ADGRG7: variants seen among roughly 807,000 people sequenced by gnomAD.
The protein encoded by ADGRG7 is adhesion G protein-coupled receptor G7.
A neutral mutation model predicts 88.6 loss-of-function variants in ADGRG7; 82 were observed. That is an observed-to-expected ratio of 0.93 (90% CI 0.77 to 1.11). The LOEUF is 1.11. Ranked by LOEUF, ADGRG7 falls within the 50% of genes most tolerant of loss-of-function variation. The pLI is 0.00. For missense variants in ADGRG7, 945 were observed against 953.4 expected (o/e 0.99, Z 0.12); for synonymous variants, 381 against 345.2 (o/e 1.10, Z -1.15).
chr3:100,635,008 C>CAG, intron 4 of ADGRG7, among the ~76,000 whole-genome samples: 1 of 151,596 alleles, frequency 6.6e-6, no homozygotes. Flanking sequence ...AAGACACACA[C>CAG]ACACACACAC....
rs377514773 is a variant in ADGRG7 at position 100,664,027 on chromosome 3, T to C, written c.1979+4184T>C. Among the ~76,000 whole-genome samples the C allele has an allele frequency of 2.0e-5, 3 of 152,062 alleles. No homozygotes were observed. In the South Asian group the frequency reaches 6.2e-4, roughly 31 times the overall value. On this transcript the variant is annotated intron_variant, in intron 14 of 15. Transcript: ENST00000273352. ...CCTATGGCACAAAACTAATCACAAG[T>C]ATACCCAAAATTATAACTCTCGACT...
At position 100,633,299 on chromosome 3, in the gene ADGRG7, C is replaced by G; in HGVS notation, c.369C>G (p.Leu123=). 5.2e-6 allele frequency: 8 copies of G among 1,548,764 alleles called. No homozygotes were observed. Among genetic ancestry groups the G allele is most frequent in the Non-Finnish European group, 7.0e-6 (8 of 1,146,242 alleles). Residue 123 remains leucine, a synonymous_variant, in exon 4 of 16, where the codon CTC becomes CTG. Coordinates refer to ENST00000273352, the MANE Select transcript of ADGRG7 (RefSeq NM_032787.3). ...GNPMAVRLCS[L]SLYGEIELQK... ...CAATGGCAGTCCGGTTGTGCAGTCTCTCTCTATATGGAGAGATAGAATTAC... is the reference window on the plus strand; with the variant it reads ...CAATGGCAGTCCGGTTGTGCAGTCTGTCTCTATATGGAGAGATAGAATTAC...
Position 100,686,147 on chromosome 3 carries a change from G to A in ADGRG7, c.2137-8597G>A, listed in dbSNP as rs1222342537. Among the ~76,000 whole-genome samples the A allele has an allele frequency of 8.6e-5, 13 of 151,800 alleles. 1 individual carries two copies. Among genetic ancestry groups the A allele is most frequent in the African/African-American group, 3.1e-4 (13 of 41,342 alleles). ...CCAGTGATGATGAGCATTTTTTCATGTGTTTTTTGGCTGCATAAATGTCTT... is the reference window on the plus strand; with the variant it reads ...CCAGTGATGATGAGCATTTTTTCATATGTTTTTTGGCTGCATAAATGTCTT... On this transcript the variant is annotated intron_variant, in intron 15 of 15. Coordinates refer to ENST00000273352, the MANE Select transcript of ADGRG7 (RefSeq NM_032787.3).
At chr3:100,688,076 G>A (rs377090205) in intron 15 of ADGRG7, among the ~76,000 whole-genome samples, 17 of 152,130 alleles carry the variant, frequency 1.1e-4, no homozygotes, top group South Asian at 2.1e-4. Context: ...GTCTATTCAG[G>A]GATTCAACTT....
At chr3:100,649,246 G>A (rs1386673017) in intron 10 of ADGRG7, among the ~76,000 whole-genome samples, 3 of 152,176 alleles carry the variant, frequency 2.0e-5, no homozygotes, top group African/African-American at 7.2e-5. Context: ...CAATAAAAAA[G>A]TCTGCCCTCC....
chr3:100,649,882 G>A lies in ADGRG7; in HGVS notation c.1379+75G>A, dbSNP rs1048741103. 1.9e-5 allele frequency: 16 copies of A among 827,488 alleles called. No individual in the cohort carries two copies. The Middle Eastern group carries it at 7.0e-4, about 36-fold the overall frequency. 51.3% of individuals were successfully genotyped at this position (827,488 alleles called of 1,614,324 possible). The stretch of plus-strand genomic sequence containing the variant: ...TAATTTACTCTGAGAATTCTCATGA[G>A]TAGTGTCTTTGAACTAGGCAAGAAC... On this transcript the variant is annotated intron_variant, in intron 11 of 15. Coordinates refer to ENST00000273352, the MANE Select transcript of ADGRG7 (RefSeq NM_032787.3).
intron 4 of ADGRG7, 38 bp from the exon 5 acceptor site, chr3:100,635,639 G>A: frequency 6.2e-7 from 1 of 1,603,458 alleles, no homozygotes; most frequent in Non-Finnish European, 8.5e-7. Flanking sequence ...GGACATAATT[G>A]TGTAAAGCTA....
chr3:100,666,567 C>T (rs1245876728), intron 14 of ADGRG7, among the ~76,000 whole-genome samples: 2 of 152,182 alleles, frequency 1.3e-5, no homozygotes, highest in African/African-American at 4.8e-5. Flanking sequence ...ACCGTACAAT[C>T]GGGTTTTATA....
chr3:100,664,149 T>C (rs1221653787), intron 14 of ADGRG7, among the ~76,000 whole-genome samples: 3 of 152,146 alleles, frequency 2.0e-5, no homozygotes, highest in Admixed American at 6.5e-5. Context: ...AAAATTATTT[T>C]ATTTGGACTC....
At chr3:100,659,228 C>T (rs1425769563) in intron 13 of ADGRG7, among the ~76,000 whole-genome samples, 4 of 151,358 alleles carry the variant, frequency 2.6e-5, no homozygotes, top group East Asian at 1.9e-4. Flanking sequence ...GTCAGGAGAT[C>T]GAGACCATCC....
intron 15 of ADGRG7, among the ~76,000 whole-genome samples, chr3:100,675,355 G>A (rs1019922124): frequency 6.6e-6 from 1 of 152,188 alleles, no homozygotes; most frequent in African/African-American, 2.4e-5. Flanking sequence ...AAACAATCAT[G>A]TGGGTTTTGT....
chr3:100,647,150 CTG>C (rs1461193867), intron 10 of ADGRG7, among the ~76,000 whole-genome samples: 1 of 152,134 alleles, frequency 6.6e-6, no homozygotes, highest in Admixed American at 6.6e-5. Context: ...GAGTGAGACT[CTG>C]TCTCGAAAAC....
rs58092447 is a variant in ADGRG7, at chr3:100,629,267, CTCTATCTATCTA to C, written c.116-298_116-287del. On this transcript the variant is annotated intron_variant, in intron 1 of 15. Transcript: ENST00000273352. ...CTGTACTTATAAGCCTCCATGTTGA[CTCTATCTATCTA>C]TCTATCTATCTATCTATCTATCTAT... Among the ~76,000 whole-genome samples the C allele has an allele frequency of 3.4e-3, 511 of 149,024 alleles. 1 individual carries two copies. The highest frequency in any genetic ancestry group is 6.8e-3 in the Middle Eastern group (2 of 292).
chr3:100,679,384 C>T (rs945366709), intron 15 of ADGRG7, among the ~76,000 whole-genome samples: 21 of 152,324 alleles, frequency 1.4e-4, no homozygotes, highest in African/African-American at 4.1e-4. Context: ...TCCAGTAATC[C>T]TGTCCAGGAG....
At position 100,659,969 on chromosome 3, in the gene ADGRG7, G is replaced by A. The variant is rs1019076824; in HGVS notation, c.1979+126G>A. The A allele has an allele frequency of 4.3e-5, 37 of 858,924 alleles. No homozygotes were observed. In the Admixed American group the frequency reaches 4.6e-4, roughly 11 times the overall value. 53.2% of individuals were successfully genotyped at this position (858,924 alleles called of 1,614,324 possible). A position where few individuals can be genotyped will look rare whatever the true frequency, so the allele number is the denominator to read the frequency against. On this transcript the variant is annotated intron_variant, in intron 14 of 15. Coordinates refer to ENST00000273352, the MANE Select transcript of ADGRG7 (RefSeq NM_032787.3). ...CAATGGCAGGGCTACGTGGTTTACA[G>A]GAGAGATTTTTCTCTTACACTTTGA... is the stretch of plus-strand genomic sequence containing the variant.
At chr3:100,686,735 ATC>A (rs1473821611) in intron 15 of ADGRG7, among the ~76,000 whole-genome samples, 2 of 152,096 alleles carry the variant, frequency 1.3e-5, no homozygotes, top group African/African-American at 4.8e-5. Context: ...AATGGTCTAT[ATC>A]TCTGTTTTGG....
At chr3:100,613,538 TA>T (rs35056308) in intron 1 of ADGRG7, among the ~76,000 whole-genome samples, 77,263 of 147,180 alleles carry the variant, frequency 0.52, 21,348 homozygotes, top group South Asian at 0.74. Context: ...CCCCCTAAAT[TA>T]AAAAAAAAAA....
chr3:100,686,129 T>A (rs1385224483), intron 15 of ADGRG7, among the ~76,000 whole-genome samples: 2 of 151,912 alleles, frequency 1.3e-5, no homozygotes, highest in Non-Finnish European at 2.9e-5. Flanking sequence ...TGGCCAGTGA[T>A]GATGAGCATT....
chr3:100,628,313 T>C (rs2149016214), intron 1 of ADGRG7, among the ~76,000 whole-genome samples: 1 of 152,242 alleles, frequency 6.6e-6, no homozygotes, highest in South Asian at 2.1e-4. Context: ...TATGAGAGGG[T>C]TAATATGGTA....
Sources: allele counts gnomAD v4.1 joint callset (sites outside exome capture counted in the v4.1 genomes callset), GRCh38; gene constraint gnomAD v4.1.1; transcripts MANE v1.5; gene names NCBI Gene and HGNC (gene_info 2026-07-23, HGNC 2026-07-21).